The following VILL variants were observed in gnomAD, a reference collection of about 807,000 sequenced individuals.
The protein encoded by VILL is villin like.
Under a neutral mutation model 106.3 loss-of-function variants are expected in VILL, and 102 were observed. The ratio of observed to expected loss-of-function variants is 0.96; its 90% CI spans 0.82 to 1.13. The LOEUF (loss-of-function observed/expected upper bound fraction) is 1.13, where lower values mean the gene tolerates loss of function less well. Ranked by LOEUF, VILL falls within the 50% of genes most tolerant of loss-of-function variation. The pLI is 0.00. For synonymous variants in VILL, 431 were observed against 440.3 expected, an observed-to-expected ratio of 0.98 and a Z score of 0.27; for missense variants, 1,076 against 1,116.6, an observed-to-expected ratio of 0.96 and a Z score of 0.52.
intron 1 of VILL, among the ~76,000 whole-genome samples, chr3:37,992,749 C>G (rs1699629094): frequency 1.3e-5 from 2 of 152,180 alleles, no homozygotes; most frequent in South Asian, 4.1e-4. Context: ...TCCTCCGCTC[C>G]CACATTTCTT....
At position 37,997,594 on chromosome 3, in the gene VILL, G is replaced by T; in HGVS notation, c.673G>T (p.Ala225Ser). The T allele has an allele frequency of 6.2e-7, 1 of 1,613,946 alleles. No individual in the cohort carries two copies. The highest frequency in any genetic ancestry group is 8.5e-7 in the Non-Finnish European group (1 of 1,180,016). ...CCCGGACCTCATGCAGATCATGGAG[G>T]CTGTGCTGGGCCGCAGGGTGGGCAG... ...KAPDLMQIME[A>S]VLGRRVGSLR... Residue 225 changes from alanine (A) to serine (S), a missense_variant, in exon 7 of 20, where the codon GCT (alanine) becomes TCT (serine). Ala to Ser is a moderately conservative substitution (Grantham distance 99). Transcript: ENST00000383759. This position sits in a 1 kb window ranked among gnomAD's most constrained non-coding sequence, Gnocchi z 4.7.
At position 38,007,029 on chromosome 3, in the gene VILL, G is replaced by A. The variant is rs1259695683; in HGVS notation, c.2545G>A (p.Glu849Lys). ...YSMATWRQRQEKKQLGFF is the reference protein window; with the variant it reads ...YSMATWRQRQKKKQLGFF ...CATGGCCACGTGGAGGCAGCGGCAG[G>A]AGAAAAAGCAGCTGGGCTTCTTCTG... is the stretch of plus-strand genomic sequence containing the variant. The change falls in exon 20 of 20, where the codon GAG becomes AAG. Residue 849 changes from glutamate to lysine, a missense_variant. Physicochemically the swap from Glu to Lys is moderately conservative, Grantham distance 56. Transcript: ENST00000383759. 1.9e-6 allele frequency: 3 copies of A among 1,614,070 alleles called. No homozygotes were observed. The highest frequency in any genetic ancestry group is 1.1e-5 in the South Asian group (1 of 91,088).
chr3:38,005,797 C>G lies in VILL; in HGVS notation c.1956C>G (p.Phe652Leu), dbSNP rs766601018. The change falls in exon 17 of 20, where the codon TTC (phenylalanine) becomes TTG (leucine). Residue 652 changes from phenylalanine (F) to leucine (L), a missense_variant. Transcript: ENST00000383759. ...AGGTCCCCTCTGTGGCTCAGATCTT[C>G]CTGTGGCTTGGGGAAGCTGCAAGTG... ...IMLLDTWQEI[F>L]LWLGEAASEW... is the part of the protein sequence containing the mutation. 1 of 1,609,352 alleles carries G rather than the reference C, an allele frequency of 6.2e-7. No individual in the cohort carries two copies. The highest frequency in any genetic ancestry group is 1.3e-5 in the African/African-American group (1 of 74,906).
chr3:38,001,119 C>G lies in VILL; in HGVS notation c.1183-337C>G, dbSNP rs558190890. ...TCCCTTTCCGCCCGGCTTCTGTTGC[C>G]CTGGCCTGAGCAGCGAGCAGCTGGG... On this transcript the variant is annotated intron_variant, in intron 11 of 19. Transcript: ENST00000383759. 1.1e-5 allele frequency: 6 copies of G among 524,580 alleles called. No homozygotes were observed. The Admixed American group carries it at 1.4e-4, about 13-fold the overall frequency. The allele number at this position is 524,580 out of a possible 1,614,324, so 32.5% of individuals were successfully genotyped here. A position where few individuals can be genotyped will look rare whatever the true frequency, so the allele number is the denominator to read the frequency against.
At chr3:38,003,501 GTC>G in intron 15 of VILL, 188 bp downstream of exon 15, 1 of 724,002 alleles carries the variant, frequency 1.4e-6, no homozygotes, top group Non-Finnish European at 2.1e-6. Context: ...GGTAACTTGC[GTC>G]TCTCAGATGC....
rs1259563217 is a variant in VILL, at chr3:37,995,859, A to G, written c.450+12A>G. The G allele has an allele frequency of 6.2e-7, 1 of 1,608,954 alleles. No individual in the cohort carries two copies. Among genetic ancestry groups the G allele is most frequent in the Non-Finnish European group, 8.5e-7 (1 of 1,175,808 alleles). On this transcript the variant is annotated intron_variant, in intron 5 of 19. Coordinates refer to ENST00000383759, the MANE Select transcript of VILL (RefSeq NM_015873.4). Reference sequence around the variant, plus strand: ...TGTCTGCCACTGAGGTGAGGCTGCCAGGGGAGCCTCTTGACCTCTGAACTC... The same window carrying G: ...TGTCTGCCACTGAGGTGAGGCTGCCGGGGGAGCCTCTTGACCTCTGAACTC...
Position 38,001,506 on chromosome 3 carries a change from T to C in VILL, c.1233T>C (p.His411=). The C allele has an allele frequency of 3.1e-6, 5 of 1,614,212 alleles. No individual in the cohort carries two copies. The highest frequency in any genetic ancestry group is 2.2e-5 in the East Asian group (1 of 44,882). ...LHRQPVDPKR[H]GQLCAGNCYL... ...GGCAGCCCGTGGACCCCAAGCGTCA[T>C]GGACAGCTGTGTGCAGGCAACTGCT... The change falls in exon 12 of 20, where the codon CAT becomes CAC. Residue 411 remains histidine (H), a synonymous_variant. Coordinates refer to ENST00000383759, the MANE Select transcript of VILL (RefSeq NM_015873.4).
upstream of VILL, chr3:37,990,771 C>T (rs1312584874): frequency 2.0e-5 from 3 of 152,580 alleles, no homozygotes; most frequent in East Asian, 1.9e-4. The surrounding 1 kb of genome is among the most constrained non-coding windows in gnomAD (Gnocchi z 5.1). Context: ...AGACTGGCCC[C>T]GTGCCAGGCC....
chr3:38,004,227 T>C (rs1699872545), intron 15 of VILL, 28 bp from the exon 16 acceptor site: 1 of 1,594,580 alleles, frequency 6.3e-7, no homozygotes, highest in African/African-American at 1.3e-5. Context: ...TCTGGGTGGC[T>C]CACAGCCTTG....
rs1239051378 is a variant in VILL at position 38,001,748 on chromosome 3, C to A, written c.1367C>A (p.Ala456Asp). The A allele has an allele frequency of 6.2e-7, 1 of 1,614,244 alleles. No homozygotes were observed. The highest frequency in any genetic ancestry group is 8.5e-7 in the Non-Finnish European group (1 of 1,180,032). The change falls in exon 13 of 20, where the codon GCT becomes GAT. Residue 456 changes from alanine (A) to aspartate (D), a missense_variant. By Grantham distance (126) the Ala-to-Asp change is moderately radical. Coordinates refer to ENST00000383759, the MANE Select transcript of VILL (RefSeq NM_015873.4). ...GAGATTGAGGCCCTGAACAGCAACGCTGAGGAACTAGATGTCATGTATGGT... is the reference window on the plus strand; with the variant it reads ...GAGATTGAGGCCCTGAACAGCAACGATGAGGAACTAGATGTCATGTATGGT... ...ADEIEALNSN[A>D]EELDVMYGGV...
Position 38,003,327 on chromosome 3 carries a change from G to C in VILL, c.1805+14G>C, listed in dbSNP as rs190417138. The C allele has an allele frequency of 3.2e-3, 5,168 of 1,595,572 alleles. 13 individuals are homozygous for C. Among genetic ancestry groups the C allele is most frequent in the Non-Finnish European group, 4.1e-3 (4,812 of 1,172,392 alleles). On this transcript the variant is annotated intron_variant, in intron 15 of 19. Transcript: ENST00000383759. Reference sequence around the variant, plus strand: ...CAGCAACAAGAGGTAACAGGGTTGGGAGGAGAGTGTTCTTACCCAGAGGAG... The same window carrying C: ...CAGCAACAAGAGGTAACAGGGTTGGCAGGAGAGTGTTCTTACCCAGAGGAG...
In VILL at chr3:37,998,011, TG is replaced by T. The variant is rs1699736918; in HGVS notation, c.765-75del. 1.4e-6 allele frequency: 2 copies of T among 1,398,930 alleles called. No individual in the cohort carries two copies. The highest frequency in any genetic ancestry group is 2.1e-5 in the Admixed American group (1 of 47,382). 86.7% of individuals were successfully genotyped at this position (1,398,930 alleles called of 1,614,324 possible). A position where few individuals can be genotyped will look rare whatever the true frequency, so the allele number is the denominator to read the frequency against. ...GCCTTCTGTCTCTGAGGGACTGGGG[TG>T]GGGTCCTAAATGGGGCTGGAGTGGA... On this transcript the variant is annotated intron_variant, in intron 7 of 19. Coordinates refer to ENST00000383759, the MANE Select transcript of VILL (RefSeq NM_015873.4). The surrounding 1 kb of genome is among the most constrained non-coding windows in gnomAD (Gnocchi z 4.1).
rs757133006 is a variant in VILL at position 37,993,720 on chromosome 3, A to G, written c.48A>G (p.Ile16Met). 6.2e-6 allele frequency: 10 copies of G among 1,613,880 alleles called. No homozygotes were observed. Among genetic ancestry groups the G allele is most frequent in the Middle Eastern group, 1.6e-4 (1 of 6,084 alleles). ...CAGGCATGCAGGGAGGCCTCCACAT[A>G]TGGATCTCTGAGGTGAGAGGCACGA... Reference protein sequence around the residue: ...GLPGMQGGLHIWISENRKMVP... With the variant: ...GLPGMQGGLHMWISENRKMVP... The change falls in exon 2 of 20, where the codon ATA becomes ATG. Residue 16 changes from isoleucine (I) to methionine (M), a missense_variant. Transcript: ENST00000383759.
rs540127836 is a variant in VILL at position 37,999,396 on chromosome 3, C to T, written c.1139C>T (p.Ala380Val). The T allele has an allele frequency of 1.3e-6, 2 of 1,497,176 alleles. No homozygotes were observed. The highest frequency in any genetic ancestry group is 1.8e-6 in the Non-Finnish European group (2 of 1,126,150). 92.7% of individuals were successfully genotyped at this position (1,497,176 alleles called of 1,614,324 possible). A position where few individuals can be genotyped will look rare whatever the true frequency, so the allele number is the denominator to read the frequency against. ...AAGCTGCACACCCAGCCTAAGTTAG[C>T]GGCCCAGCTCAGGATGGTGGACGAC... ...VGKLHTQPKL[A>V]AQLRMVDDGS... The change falls in exon 11 of 20, where the codon GCG becomes GTG. Residue 380 changes from alanine to valine, a missense_variant. By Grantham distance (64) the Ala-to-Val change is moderately conservative. Transcript: ENST00000383759.
intron 11 of VILL, chr3:38,000,963 T>C: frequency 4.4e-6 from 2 of 457,426 alleles, no homozygotes; most frequent in South Asian, 3.1e-5. Context: ...GGCTCCAGGC[T>C]CTGCCACCCA....
In VILL at chr3:38,002,446, T is replaced by C. The variant is rs1699835707; in HGVS notation, c.1530T>C (p.Leu510=). ...GKGQSASTTR[L]FQVQGTDSHN... is the part of the protein sequence containing the mutation. Reference sequence around the variant, plus strand: ...GGCAGTCAGCATCCACCACAAGGCTTTTCCAAGTGCAAGGCACTGACAGCC... The same window carrying C: ...GGCAGTCAGCATCCACCACAAGGCTCTTCCAAGTGCAAGGCACTGACAGCC... Residue 510 remains leucine, a synonymous_variant, in exon 14 of 20, where the codon CTT becomes CTC. Coordinates refer to ENST00000383759, the MANE Select transcript of VILL (RefSeq NM_015873.4). The C allele has an allele frequency of 6.2e-7, 1 of 1,614,014 alleles. No homozygotes were observed. The highest frequency in any genetic ancestry group is 1.7e-5 in the Admixed American group (1 of 60,014).
chr3:37,999,656 GAC>G (rs1699779126), intron 11 of VILL, among the ~76,000 whole-genome samples: 2 of 152,250 alleles, frequency 1.3e-5, no homozygotes, highest in Non-Finnish European at 2.9e-5. Context: ...ACACAACACA[GAC>G]ACACAGTACA....
chr3:37,999,841 A>G (rs1486110573), intron 11 of VILL, among the ~76,000 whole-genome samples: 1 of 152,256 alleles, frequency 6.6e-6, no homozygotes, highest in Non-Finnish European at 1.5e-5. Flanking sequence ...ACGGTCACAC[A>G]CAACCATCAA....
At chr3:38,006,135 C>T in intron 17 of VILL, 46 bp from the exon 18 acceptor site, 1 of 1,613,508 alleles carries the variant, frequency 6.2e-7, no homozygotes, top group Admixed American at 1.7e-5. Context: ...ATTGGTGCCC[C>T]CTTCTCCTGC....
Sources: gnomAD v4.1 joint callset for allele counts (sites outside exome capture counted in the v4.1 genomes callset) on GRCh38, gnomAD v4.1.1 for gene constraint, Gnocchi (gnomAD v3.1) non-coding constraint, MANE v1.5 for transcripts, NCBI Gene and HGNC (gene_info 2026-07-23, HGNC 2026-07-21) for gene names.